Variants in TEX11 observed in about 807,000 individuals in gnomAD.
TEX11 encodes testis expressed 11, also known as testis-expressed protein 11.
A neutral mutation model predicts 84.4 loss-of-function variants in TEX11; 7 were observed. That is an observed-to-expected ratio of 0.08 (90% CI 0.05 to 0.16). The LOEUF (loss-of-function observed/expected upper bound fraction) is 0.16. Among genes scored for constraint, TEX11 ranks in the 10% least tolerant of loss-of-function variants. The pLI is 1.00. For synonymous variants in TEX11, 264 were observed against 222.8 expected (o/e 1.18, Z -1.64); for missense variants, 551 against 660.5 (o/e 0.83, Z 1.82).
At chrX:70,849,730 T>C (rs1317043635) in intron 7 of TEX11, among the ~76,000 whole-genome samples, 1 of 112,119 alleles carries the variant, frequency 8.9e-6, no homozygotes, top group Non-Finnish European at 1.9e-5. Context: ...GAATTAGCCT[T>C]CACCACAACT....
intron 11 of TEX11, among the ~76,000 whole-genome samples, chrX:70,730,324 C>T (rs187236590): frequency 4.5e-4 from 50 of 111,717 alleles, no homozygotes; most frequent in South Asian, 2.3e-3. Context: ...CATGTTAATG[C>T]GCTAAATGCT....
At chrX:70,712,870 GT>G (rs2090452266) in intron 13 of TEX11, among the ~76,000 whole-genome samples, 1 of 111,361 alleles carries the variant, frequency 9.0e-6, no homozygotes, top group Non-Finnish European at 1.9e-5. Flanking sequence ...TCTTGTGCCG[GT>G]TTTCAAAGGG....
intron 9 of TEX11, among the ~76,000 whole-genome samples, chrX:70,758,271 G>T: frequency 9.0e-6 from 1 of 111,596 alleles, no homozygotes; most frequent in Non-Finnish European, 1.9e-5. Context: ...GGACCAAACA[G>T]GCCTAATGGA....
At chrX:70,564,301 G>T (rs1400943650) in intron 25 of TEX11, among the ~76,000 whole-genome samples, 2 of 111,729 alleles carry the variant, frequency 1.8e-5, no homozygotes, top group Non-Finnish European at 3.8e-5. Context: ...TTTAGTTTTT[G>T]GAATCAGAGT....
intron 11 of TEX11, among the ~76,000 whole-genome samples, chrX:70,738,668 T>C (rs2090713443): frequency 8.9e-6 from 1 of 112,181 alleles, no homozygotes; most frequent in African/African-American, 3.2e-5. Context: ...ATTGCAGCAC[T>C]ATTTACAATA....
chrX:70,785,167 A>C (rs764336240), intron 9 of TEX11, among the ~76,000 whole-genome samples: 59 of 111,765 alleles, frequency 5.3e-4, no homozygotes, highest in Admixed American at 3.8e-4. Flanking sequence ...CTCAGAAATA[A>C]TACCACACAT....
intron 25 of TEX11, among the ~76,000 whole-genome samples, chrX:70,584,214 C>T (rs1277978364): frequency 9.5e-6 from 1 of 105,708 alleles, no homozygotes; most frequent in South Asian, 4.3e-4. Context: ...ACCCGGGAAG[C>T]GGAACTTGCA....
chrX:70,658,363 G>A lies in TEX11; in HGVS notation c.1381-6811C>T, dbSNP rs1382059968. On this transcript the variant is annotated intron_variant, in intron 16 of 29. Transcript: ENST00000374333. ...ACCTGGGAGGCGGAGGTTGCAGTGA[G>A]CCGAGATAGCACAACTGCTCTCCAG... Among the ~76,000 whole-genome samples the A allele has an allele frequency of 3.6e-5, 4 of 111,505 alleles. No individual in the cohort carries two copies. The East Asian group carries it at 1.1e-3, about 31-fold the overall frequency.
intron 9 of TEX11, among the ~76,000 whole-genome samples, chrX:70,750,931 A>ATATAT (rs1330223404): frequency 1.5e-3 from 32 of 21,974 alleles, no homozygotes; most frequent in South Asian, 4.3e-3. Flanking sequence ...TAAAAAAAAA[A>ATATAT]AAATATATAT....
At chrX:70,776,607 C>T (rs112229149) in intron 9 of TEX11, among the ~76,000 whole-genome samples, 7,817 of 108,873 alleles carry the variant, frequency 0.072, 596 homozygotes, top group African/African-American at 0.22. Flanking sequence ...CAGTCATTTG[C>T]AATAACATGG....
chrX:70,611,947 G>A (rs1261157837), intron 20 of TEX11, among the ~76,000 whole-genome samples: 1 of 110,950 alleles, frequency 9.0e-6, no homozygotes, highest in Non-Finnish European at 1.9e-5. Flanking sequence ...ACTAGTCTGG[G>A]CAACACAGTG....
chrX:70,884,815 G>A (rs1244346807), intron 2 of TEX11, among the ~76,000 whole-genome samples: 5 of 109,857 alleles, frequency 4.6e-5, no homozygotes, highest in African/African-American at 1.3e-4. Flanking sequence ...TGGATGCAGG[G>A]CAGGCTAACC....
Position 70,840,626 on chromosome X carries a change from A to C in TEX11, c.526-7033T>G, listed in dbSNP as rs768337895. 7.2e-5 allele frequency among the ~76,000 whole-genome samples: 8 copies of C among 111,307 alleles called. No individual in the cohort carries two copies. The East Asian group carries it at 2.3e-3, about 31-fold the overall frequency. On this transcript the variant is annotated intron_variant, in intron 7 of 29. Coordinates refer to ENST00000374333, the MANE Select transcript of TEX11 (RefSeq NM_031276.3). ...AATGACAGGATCAAATTCACACATA[A>C]CAATATTAACCTTAAATGTAAATGG...
At chrX:70,638,887 TGAAAG>T (rs2089608357) in intron 17 of TEX11, among the ~76,000 whole-genome samples, 1 of 102,301 alleles carries the variant, frequency 9.8e-6, no homozygotes, top group Non-Finnish European at 2.0e-5. Flanking sequence ...AAACAAGAAA[TGAAAG>T]AGAAGACATT....
rs763062000 is a variant in TEX11, at chrX:70,550,124, A to G, written c.2520+2002T>C. ...TGAACTCATTTTTGACAAAGGTGCC[A>G]AGAACATACTTTGGGGAAAGAAGAG... is the stretch of plus-strand genomic sequence containing the variant. On this transcript the variant is annotated intron_variant, in intron 28 of 29. Coordinates refer to ENST00000374333, the MANE Select transcript of TEX11 (RefSeq NM_031276.3). Among the ~76,000 whole-genome samples the G allele has an allele frequency of 8.0e-5, 9 of 112,851 alleles. No homozygotes were observed. In the South Asian group the frequency reaches 3.3e-3, roughly 41 times the overall value.
chrX:70,899,776 C>G (rs1224246311), intron 2 of TEX11, among the ~76,000 whole-genome samples: 1 of 90,620 alleles, frequency 1.1e-5, no homozygotes, highest in Non-Finnish European at 2.1e-5. Context: ...ATTAGCCAGG[C>G]GTGGTGGTGC....
chrX:70,868,126 G>A (rs914848851), intron 4 of TEX11, among the ~76,000 whole-genome samples: 15 of 111,247 alleles, frequency 1.3e-4, no homozygotes, highest in Admixed American at 6.7e-4. Flanking sequence ...CCATCTATCC[G>A]TCTGACAAAG....
At chrX:70,554,245 T>C (rs2088256523) in intron 26 of TEX11, among the ~76,000 whole-genome samples, 1 of 112,008 alleles carries the variant, frequency 8.9e-6, no homozygotes, top group Admixed American at 9.5e-5. Flanking sequence ...ACAGCTAAGA[T>C]TGCATCACTT....
At chrX:70,840,283 T>G (rs964851924) in intron 7 of TEX11, among the ~76,000 whole-genome samples, 8 of 111,994 alleles carry the variant, frequency 7.1e-5, no homozygotes, top group African/African-American at 1.9e-4. Context: ...CTGATCTCTC[T>G]GCAGAAACTC....
Sources: gnomAD v4.1 joint callset for allele counts (sites outside exome capture counted in the v4.1 genomes callset) on GRCh38, gnomAD v4.1.1 for gene constraint, MANE v1.5 for transcripts, NCBI Gene and HGNC (gene_info 2026-07-23, HGNC 2026-07-21) for gene names.